The following EXOSC7 variants were observed in gnomAD, a reference collection of about 807,000 sequenced individuals.
The protein encoded by EXOSC7 is exosome component 7.
A neutral mutation model predicts 34.3 loss-of-function variants in EXOSC7; 25 were observed. The observed-to-expected ratio is 0.73, with a 90% CI of 0.53 to 1.02. EXOSC7 has a LOEUF of 1.02. EXOSC7 is among the 50% of genes least tolerant of loss of function. The pLI, the probability that EXOSC7 is intolerant of heterozygous loss-of-function variation, is 0.00. For missense variants in EXOSC7, 370 were observed against 368.5 expected (o/e 1.00, Z -0.03); for synonymous variants, 130 against 143.0 (o/e 0.91, Z 0.65).
At chr3:44,996,241 A>G (rs1706718901) in intron 3 of EXOSC7, among the ~76,000 whole-genome samples, 1 of 152,194 alleles carries the variant, frequency 6.6e-6, no homozygotes, top group Non-Finnish European at 1.5e-5. Context: ...TTACAGTAAA[A>G]TAATTACTAG....
chr3:44,995,192 A>G (rs1706687567), intron 3 of EXOSC7, among the ~76,000 whole-genome samples: 1 of 152,140 alleles, frequency 6.6e-6, no homozygotes, highest in African/African-American at 2.4e-5. Flanking sequence ...CATGTTGGTC[A>G]GGCTGGTCTC....
chr3:45,001,262 G>T (rs1004722030), intron 4 of EXOSC7, among the ~76,000 whole-genome samples: 2 of 152,050 alleles, frequency 1.3e-5, no homozygotes, highest in East Asian at 1.9e-4. Flanking sequence ...AGACCAGCCT[G>T]GCCAACATGG....
intron 1 of EXOSC7, among the ~76,000 whole-genome samples, chr3:44,978,563 T>C (rs1706186204): frequency 6.6e-6 from 1 of 152,260 alleles, no homozygotes; most frequent in Admixed American, 6.5e-5. Context: ...TTGTACTGAA[T>C]GCTATGAAGG....
chr3:44,977,464 T>G (rs1429712885), intron 1 of EXOSC7: 1 of 152,248 alleles, frequency 6.6e-6, no homozygotes, highest in East Asian at 1.9e-4. Flanking sequence ...TGCCGTTATC[T>G]TCTGGGCCCT....
chr3:45,001,517 T>C (rs1706879027), intron 4 of EXOSC7, 21 bp from the exon 5 acceptor site: 1 of 1,601,034 alleles, frequency 6.2e-7, no homozygotes, highest in Non-Finnish European at 8.6e-7. Flanking sequence ...TTTTTCCTTT[T>C]TCAATTCCTG....
chr3:45,006,914 A>G (rs901706211), intron 6 of EXOSC7, among the ~76,000 whole-genome samples: 2 of 151,616 alleles, frequency 1.3e-5, no homozygotes, highest in African/African-American at 4.8e-5. Context: ...TGGTGGAGAC[A>G]GGGTCTTGCC....
At chr3:44,979,944 TG>T (rs200252677) in intron 1 of EXOSC7, among the ~76,000 whole-genome samples, 13 of 151,646 alleles carry the variant, frequency 8.6e-5, no homozygotes, top group Admixed American at 1.3e-4. Context: ...TAGAGCAGTA[TG>T]GGGGGGGTTT....
intron 3 of EXOSC7, among the ~76,000 whole-genome samples, chr3:44,993,468 G>A (rs988765585): frequency 3.3e-5 from 5 of 152,062 alleles, no homozygotes; most frequent in Admixed American, 3.3e-4. Flanking sequence ...GCAAGCAACA[G>A]TGGGCCCAGT....
intron 1 of EXOSC7, among the ~76,000 whole-genome samples, chr3:44,986,116 G>A (rs1026573290): frequency 6.6e-6 from 1 of 151,614 alleles, no homozygotes; most frequent in Non-Finnish European, 1.5e-5. Context: ...CCATGCACCC[G>A]CATTCCTCAG....
intron 3 of EXOSC7, among the ~76,000 whole-genome samples, chr3:44,994,004 C>T (rs559728191): frequency 2.0e-4 from 31 of 152,024 alleles, no homozygotes; most frequent in Non-Finnish European, 4.1e-4. Context: ...ACCAAGCTTG[C>T]CAAATTACAG....
intron 3 of EXOSC7, among the ~76,000 whole-genome samples, chr3:44,990,830 A>G (rs2125965730): frequency 6.6e-6 from 1 of 152,336 alleles, no homozygotes; most frequent in African/African-American, 2.4e-5. Context: ...TCAGTTTACT[A>G]TTGCCTGGGA....
intron 3 of EXOSC7, among the ~76,000 whole-genome samples, chr3:44,994,737 A>G (rs973548751): frequency 1.3e-5 from 2 of 151,934 alleles, no homozygotes; most frequent in Non-Finnish European, 1.5e-5. Context: ...CCGTTTTCCT[A>G]GCCTCCTCCC....
chr3:45,001,347 G>A (rs1300513173), intron 4 of EXOSC7, among the ~76,000 whole-genome samples, 191 bp from the exon 5 acceptor site: 3 of 151,912 alleles, frequency 2.0e-5, no homozygotes, highest in Non-Finnish European at 2.9e-5. Context: ...GGAGGCTGAG[G>A]TGGGAGAATT....
intron 1 of EXOSC7, among the ~76,000 whole-genome samples, chr3:44,985,678 T>A (rs1270307877): frequency 6.6e-6 from 1 of 152,086 alleles, no homozygotes; most frequent in East Asian, 1.9e-4. Context: ...GTAGCAAGAT[T>A]TATTGCAAAG....
intron 1 of EXOSC7, among the ~76,000 whole-genome samples, chr3:44,987,923 C>T (rs949640823): frequency 6.6e-6 from 1 of 152,182 alleles, no homozygotes; most frequent in Non-Finnish European, 1.5e-5. Context: ...TCAGTATGAA[C>T]TCTTGGCTTT....
intron 1 of EXOSC7, among the ~76,000 whole-genome samples, chr3:44,976,873 A>G (rs1706060615): frequency 6.6e-6 from 1 of 152,180 alleles, no homozygotes; most frequent in Non-Finnish European, 1.5e-5. Context: ...CACGAGGTCA[A>G]GAGACCGTCC....
chr3:44,998,032 T>C (rs1233649761), intron 4 of EXOSC7, among the ~76,000 whole-genome samples: 2 of 127,294 alleles, frequency 1.6e-5, no homozygotes, highest in Non-Finnish European at 3.5e-5. Flanking sequence ...TTTTTTTTTG[T>C]TTTTTTGTTT....
chr3:45,006,633 G>T (rs528289613), intron 6 of EXOSC7, among the ~76,000 whole-genome samples: 1 of 148,948 alleles, frequency 6.7e-6, no homozygotes, highest in South Asian at 2.2e-4. Context: ...AGCCAGGATG[G>T]TCTCGATCTC....
intron 1 of EXOSC7, 67 bp from the exon 2 acceptor site, chr3:44,989,073 G>A (rs2125964978): frequency 1.9e-6 from 2 of 1,047,558 alleles, no homozygotes; most frequent in South Asian, 1.3e-5. Context: ...GGGGGAAAAT[G>A]GGTGAGTCCG....
Sources: gnomAD v4.1 joint callset for allele counts (sites outside exome capture counted in the v4.1 genomes callset) on GRCh38, gnomAD v4.1.1 for gene constraint, MANE v1.5 for transcripts, NCBI Gene and HGNC (gene_info 2026-07-23, HGNC 2026-07-21) for gene names.